DDAH1: variants seen among roughly 807,000 people sequenced by gnomAD.
DDAH1 encodes dimethylarginine dimethylaminohydrolase 1, also known as N(G),N(G)-dimethylarginine dimethylaminohydrolase 1.
In DDAH1, 19 loss-of-function variants were observed where a neutral mutation model predicts 28.8. The ratio of observed to expected loss-of-function variants is 0.66; its 90% CI spans 0.46 to 0.97. The LOEUF (loss-of-function observed/expected upper bound fraction) is 0.97. DDAH1 is among the 50% of genes least tolerant of loss of function. The probability of loss-of-function intolerance (pLI) is 0.00; values close to 1 mark genes in which losing one functional copy is unlikely to be tolerated. For synonymous variants in DDAH1, 153 were observed against 154.4 expected (o/e 0.99, Z 0.07); for missense variants, 326 against 375.9 (o/e 0.87, Z 1.10).
At chr1:85,372,610 C>T (rs1199271450) in intron 1 of DDAH1, among the ~76,000 whole-genome samples, 1 of 151,858 alleles carries the variant, frequency 6.6e-6, no homozygotes, top group Non-Finnish European at 1.5e-5. Flanking sequence ...TTATTTTTTA[C>T]TTCTAATTTA....
At chr1:85,525,838 G>C (rs1190646318) in intron 1 of DDAH1, among the ~76,000 whole-genome samples, 1 of 152,104 alleles carries the variant, frequency 6.6e-6, no homozygotes, top group African/African-American at 2.4e-5. Flanking sequence ...AGTCAGCAGT[G>C]GATAATGCTG....
intron 1 of DDAH1, among the ~76,000 whole-genome samples, chr1:85,409,234 G>A (rs1652536536): frequency 6.6e-6 from 1 of 152,148 alleles, no homozygotes; most frequent in Non-Finnish European, 1.5e-5. Flanking sequence ...GAAGCCAAAA[G>A]ATTGGACACC....
At chr1:85,413,344 G>A (rs1022594682) in intron 1 of DDAH1, among the ~76,000 whole-genome samples, 1 of 152,202 alleles carries the variant, frequency 6.6e-6, no homozygotes, top group Non-Finnish European at 1.5e-5. Flanking sequence ...TGAAAGTTTG[G>A]ATTCCTGTGT....
intron 1 of DDAH1, among the ~76,000 whole-genome samples, chr1:85,392,782 A>C (rs1166185812): frequency 7.7e-6 from 1 of 130,698 alleles, no homozygotes; most frequent in Non-Finnish European, 1.6e-5. Flanking sequence ...ACAGAGCAAG[A>C]CTCTGTCTAA....
intron 1 of DDAH1, among the ~76,000 whole-genome samples, chr1:85,549,280 C>G (rs1658717055): frequency 6.6e-6 from 1 of 152,188 alleles, no homozygotes; most frequent in Admixed American, 6.5e-5. Flanking sequence ...TTCTATTCTT[C>G]AAAATTCCTT....
rs1557686884 is a variant in DDAH1 at position 85,491,043 on chromosome 1, A to ACTCTTTTTTTTTTTTT, written c.-7+5122_-7+5123insAAAAAAAAAAAAAGAG. Among the ~76,000 whole-genome samples the ACTCTTTTTTTTTTTTT allele has an allele frequency of 1.1e-4, 9 of 79,340 alleles. 4 individuals carry two copies. The allele number at this position is 79,340 out of a possible 152,430, so 52.1% of individuals were successfully genotyped here. On this transcript the variant is annotated intron_variant, in intron 2 of 6. Coordinates refer to the DDAH1 transcript ENST00000426972. ...TCTTCTAATGACAACAGTAACATGTATTCTTTTTTTTTTTTTTTTTTTTGA... is the reference window on the plus strand; with the variant it reads ...TCTTCTAATGACAACAGTAACATGTACTCTTTTTTTTTTTTTTTCTTTTTTTTTTTTTTTTTTTTGA...
intron 1 of DDAH1, among the ~76,000 whole-genome samples, chr1:85,571,148 C>A (rs533179523): frequency 5.9e-5 from 9 of 152,148 alleles, no homozygotes; most frequent in Admixed American, 5.9e-4. Flanking sequence ...TGGCCCATGG[C>A]GGTGCCCTGT....
At chr1:85,403,453 G>C (rs770173319) in intron 1 of DDAH1, among the ~76,000 whole-genome samples, 13 of 152,108 alleles carry the variant, frequency 8.5e-5, no homozygotes, top group Non-Finnish European at 1.6e-4. Flanking sequence ...TACTCTTCAG[G>C]AATCTTATTT....
At chr1:85,565,962 T>G (rs772383687) in intron 1 of DDAH1, among the ~76,000 whole-genome samples, 1 of 151,966 alleles carries the variant, frequency 6.6e-6, no homozygotes, top group Non-Finnish European at 1.5e-5. Flanking sequence ...GCGCCTGTTA[T>G]CCCAGCTACT....
intron 1 of DDAH1, among the ~76,000 whole-genome samples, chr1:85,570,364 T>TCACACACACACACACACA (rs35259175): frequency 1.2e-3 from 172 of 145,564 alleles, no homozygotes; most frequent in African/African-American, 4.2e-3. Flanking sequence ...ACACACACTG[T>TCACACACACACACACACA]CACACACACA....
chr1:85,346,424 C>T (rs534753362), intron 4 of DDAH1, among the ~76,000 whole-genome samples: 20 of 152,086 alleles, frequency 1.3e-4, no homozygotes, highest in East Asian at 3.9e-4. Context: ...TGGAAAGACA[C>T]GGAAGGAGCA....
In DDAH1 at chr1:85,477,365, C is replaced by T. The variant is rs138461144; in HGVS notation, c.-7+18801G>A. Among the ~76,000 whole-genome samples the T allele has an allele frequency of 2.9e-3, 435 of 152,240 alleles. 2 individuals are homozygous for T. The highest frequency in any genetic ancestry group is 9.7e-3 in the African/African-American group (403 of 41,540). ...AGGGGGCCTGTCAATAATATGCATC[C>T]GCCCTCAGGCCTTTTCTACAGCCTT... On this transcript the variant is annotated intron_variant, in intron 2 of 6. Transcript: ENST00000426972.
chr1:85,321,284 G>T lies in DDAH1; in HGVS notation c.*168C>A, dbSNP rs905109658. 7.0e-6 allele frequency: 4 copies of T among 572,570 alleles called. No homozygotes were observed. Among genetic ancestry groups the T allele is most frequent in the East Asian group, 5.5e-5 (2 of 36,522 alleles). 35.5% of individuals were successfully genotyped at this position (572,570 alleles called of 1,614,324 possible). A position where few individuals can be genotyped will look rare whatever the true frequency, so the allele number is the denominator to read the frequency against. On this transcript the variant is annotated 3_prime_UTR_variant, in exon 6 of 6. Transcript: ENST00000284031. ...AGCTTAGGTACCACCTCGAGGGGAGGGAGGGTGGGGGTGTTGAATGAAGCA... is the reference window on the plus strand; with the variant it reads ...AGCTTAGGTACCACCTCGAGGGGAGTGAGGGTGGGGGTGTTGAATGAAGCA...
intron 1 of DDAH1, among the ~76,000 whole-genome samples, chr1:85,456,013 C>A (rs1654864463): frequency 6.6e-6 from 1 of 152,060 alleles, no homozygotes; most frequent in South Asian, 2.1e-4. Flanking sequence ...AAGTTATCAT[C>A]AGCTCCCCAT....
chr1:85,362,296 G>T (rs927244992), intron 1 of DDAH1, among the ~76,000 whole-genome samples: 1 of 152,116 alleles, frequency 6.6e-6, no homozygotes, highest in African/African-American at 2.4e-5. Context: ...TACTACATAA[G>T]GTGGGAAGTG....
intron 1 of DDAH1, among the ~76,000 whole-genome samples, chr1:85,560,432 T>C (rs10159292): frequency 0.058 from 8,869 of 152,162 alleles, 827 homozygotes; most frequent in African/African-American, 0.2. Flanking sequence ...AAATACTTTC[T>C]TTAAAAGATA....
At chr1:85,544,053 A>G (rs1302417642) in intron 1 of DDAH1, among the ~76,000 whole-genome samples, 2 of 152,170 alleles carry the variant, frequency 1.3e-5, no homozygotes, top group Non-Finnish European at 2.9e-5. Flanking sequence ...TGGTTCTTGC[A>G]GGTTTGTTCA....
intron 1 of DDAH1, among the ~76,000 whole-genome samples, chr1:85,513,056 A>C (rs984457826): frequency 3.7e-4 from 56 of 152,298 alleles, no homozygotes; most frequent in Non-Finnish European, 5.6e-4. Context: ...AATCCTAAGC[A>C]GAAAGAACAA....
chr1:85,424,320 T>C (rs1455821145), intron 1 of DDAH1, among the ~76,000 whole-genome samples: 1 of 152,108 alleles, frequency 6.6e-6, no homozygotes, highest in East Asian at 1.9e-4. Context: ...AATTTAGCAA[T>C]AAGGTAAACT....
Sources: gnomAD v4.1 joint callset for allele counts (sites outside exome capture counted in the v4.1 genomes callset) on GRCh38, gnomAD v4.1.1 for gene constraint, MANE v1.5 for transcripts, NCBI Gene and HGNC (gene_info 2026-07-23, HGNC 2026-07-21) for gene names.